TMEM212: variants seen among roughly 807,000 people sequenced by gnomAD.
The protein encoded by TMEM212 is transmembrane protein 212.
TMEM212 carries 23 observed loss-of-function variants against 20.5 expected under a neutral mutation model. The ratio of observed to expected loss-of-function variants is 1.12; its 90% CI spans 0.81 to 1.59. The LOEUF is 1.59. Ranked by LOEUF, TMEM212 falls within the 40% of genes most tolerant of loss-of-function variation. The probability of loss-of-function intolerance (pLI) is 0.00; values close to 1 mark genes in which losing one functional copy is unlikely to be tolerated. For synonymous variants in TMEM212, 76 were observed against 81.6 expected (o/e 0.93, Z 0.37); for missense variants, 211 against 215.0 (o/e 0.98, Z 0.12).
chr3:171,849,964 C>T (rs1251109724), intron 1 of TMEM212, among the ~76,000 whole-genome samples: 1 of 152,094 alleles, frequency 6.6e-6, no homozygotes, highest in Admixed American at 6.6e-5. Flanking sequence ...CTCCACTCTC[C>T]CCTTCCTCAT....
chr3:171,843,911 C>G (rs3850191), intron 1 of TMEM212, among the ~76,000 whole-genome samples: 129,319 of 152,218 alleles, frequency 0.85, 55,504 homozygotes, highest in Middle Eastern at 0.96. Flanking sequence ...TTTTAAAATA[C>G]AGAACAAAGT....
At chr3:171,846,143 A>G (rs1412265485) in intron 1 of TMEM212, among the ~76,000 whole-genome samples, 1 of 152,144 alleles carries the variant, frequency 6.6e-6, no homozygotes, top group Non-Finnish European at 1.5e-5. Flanking sequence ...CAGTTTTCAA[A>G]CATGCCATGA....
intron 1 of TMEM212, among the ~76,000 whole-genome samples, chr3:171,848,064 A>T (rs1724878930): frequency 2.0e-5 from 3 of 152,148 alleles, no homozygotes; most frequent in Admixed American, 2.0e-4. Context: ...TGTCACCAAA[A>T]CCATTTTTTT....
intron 3 of TMEM212, among the ~76,000 whole-genome samples, chr3:171,854,778 C>T (rs1725072756): frequency 6.6e-6 from 1 of 152,150 alleles, no homozygotes; most frequent in Non-Finnish European, 1.5e-5. Context: ...CAGTAAGGCA[C>T]TAGCATAAAA....
chr3:171,853,109 T>G (rs1163180935), intron 2 of TMEM212, among the ~76,000 whole-genome samples: 1 of 152,210 alleles, frequency 6.6e-6, no homozygotes, highest in African/African-American at 2.4e-5. Flanking sequence ...TGAACTAATT[T>G]AAATTTTGCC....
In TMEM212 at chr3:171,843,493, T is replaced by A; in HGVS notation, c.110T>A (p.Phe37Tyr). ...CCTGTCTTTTCTTACAAGCCTTGGT[T>A]CACAGGATGGAGTGTTCGAATTGCT... ...FFPVFSYKPW[F>Y]TGWSVRIACP... is the part of the protein sequence containing the mutation. The change falls in exon 1 of 5, where the codon TTC (phenylalanine) becomes TAC (tyrosine). Residue 37 changes from phenylalanine to tyrosine, a missense_variant. By Grantham distance (22) the Phe-to-Tyr change is conservative (BLOSUM62 3). Coordinates refer to ENST00000334567, the MANE Select transcript of TMEM212 (RefSeq NM_001164436.2). 1 of 1,537,154 alleles carries A rather than the reference T, an allele frequency of 6.5e-7. No individual in the cohort carries two copies. Among genetic ancestry groups the A allele is most frequent in the East Asian group, 2.4e-5 (1 of 40,920 alleles).
At chr3:171,843,943 C>T (rs1724774064) in intron 1 of TMEM212, among the ~76,000 whole-genome samples, 2 of 152,150 alleles carry the variant, frequency 1.3e-5, no homozygotes, top group African/African-American at 2.4e-5. Flanking sequence ...CAAACTAATG[C>T]TTTCATTGCA....
intron 4 of TMEM212, chr3:171,857,029 C>T (rs1725135283): frequency 5.3e-6 from 1 of 187,748 alleles, no homozygotes; most frequent in African/African-American, 2.3e-5. Flanking sequence ...CACTGCATAG[C>T]CCTTTGTGTG....
intron 3 of TMEM212, among the ~76,000 whole-genome samples, chr3:171,854,348 T>C (rs1260257811): frequency 6.6e-6 from 1 of 152,102 alleles, no homozygotes; most frequent in Non-Finnish European, 1.5e-5. Flanking sequence ...AAGTTCAACA[T>C]ACAAAAATCA....
intron 4 of TMEM212, among the ~76,000 whole-genome samples, chr3:171,857,357 T>C (rs1025695434): frequency 1.3e-5 from 2 of 152,144 alleles, no homozygotes; most frequent in African/African-American, 4.8e-5. Flanking sequence ...AAGAATGAAC[T>C]ACGACCCCGA....
At chr3:171,857,218 G>A (rs945857466) in intron 4 of TMEM212, among the ~76,000 whole-genome samples, 14 of 151,812 alleles carry the variant, frequency 9.2e-5, no homozygotes, top group Admixed American at 9.2e-4. Flanking sequence ...AAATAAAAAT[G>A]GTTTACATAA....
At chr3:171,852,382 G>A (rs1373165709) in intron 2 of TMEM212, among the ~76,000 whole-genome samples, 1 of 152,084 alleles carries the variant, frequency 6.6e-6, no homozygotes, top group Non-Finnish European at 1.5e-5. Context: ...TGTATTTCTA[G>A]TAAAGACAGG....
At chr3:171,855,214 A>G (rs1725086505) in intron 3 of TMEM212, among the ~76,000 whole-genome samples, 1 of 152,164 alleles carries the variant, frequency 6.6e-6, no homozygotes, top group African/African-American at 2.4e-5. Context: ...TTCTCTTTGA[A>G]AAGGCCTTGG....
At chr3:171,856,941 C>T (rs1439687115) in intron 4 of TMEM212, 6 of 339,692 alleles carry the variant, frequency 1.8e-5, no homozygotes, top group East Asian at 1.4e-4. Flanking sequence ...ATTAAACATG[C>T]TAAATGGGAA....
At chr3:171,849,782 G>C (rs1339122474) in intron 1 of TMEM212, among the ~76,000 whole-genome samples, 1 of 152,256 alleles carries the variant, frequency 6.6e-6, no homozygotes, top group Admixed American at 6.5e-5. Context: ...GATTTAGTGG[G>C]AGGGTTCACA....
At chr3:171,854,656 G>C (rs1725069929) in intron 3 of TMEM212, among the ~76,000 whole-genome samples, 1 of 152,108 alleles carries the variant, frequency 6.6e-6, no homozygotes, top group Non-Finnish European at 1.5e-5. Context: ...TCTTAAATGT[G>C]CATAGATCTA....
rs552366086 is a variant in TMEM212, at chr3:171,852,850, T to C, written c.220-677T>C. Among the ~76,000 whole-genome samples the C allele has an allele frequency of 2.4e-3, 373 of 152,374 alleles. 3 individuals are homozygous for C. The Middle Eastern group carries it at 0.027, about 11-fold the overall frequency. ...ACACAGGGCTTCTCAAACTTTAATG[T>C]ACATGTAAATCAACTAGAGATCTGG... On this transcript the variant is annotated intron_variant, in intron 2 of 4. Transcript: ENST00000334567.
chr3:171,850,959 T>A (rs1188637709), intron 1 of TMEM212, among the ~76,000 whole-genome samples: 1 of 152,160 alleles, frequency 6.6e-6, no homozygotes, highest in Non-Finnish European at 1.5e-5. Context: ...ATATGCCACA[T>A]CCAGCTGCTA....
chr3:171,844,154 A>G (rs1218548208), intron 1 of TMEM212, among the ~76,000 whole-genome samples: 1 of 152,156 alleles, frequency 6.6e-6, no homozygotes, highest in African/African-American at 2.4e-5. Flanking sequence ...GTACGACACT[A>G]AGTAGTACTC....
Sources: gnomAD v4.1 joint callset for allele counts (sites outside exome capture counted in the v4.1 genomes callset) on GRCh38, gnomAD v4.1.1 for gene constraint, MANE v1.5 for transcripts, NCBI Gene and HGNC (gene_info 2026-07-23, HGNC 2026-07-21) for gene names.